Variants in SLC43A2 observed in about 807,000 individuals in gnomAD.
SLC43A2 encodes solute carrier family 43 member 2.
A neutral mutation model predicts 63.2 loss-of-function variants in SLC43A2; 38 were observed. The ratio of observed to expected loss-of-function variants is 0.60; its 90% CI spans 0.46 to 0.79. The LOEUF (loss-of-function observed/expected upper bound fraction) is 0.79, where lower values mean the gene tolerates loss of function less well. Ranked by LOEUF, SLC43A2 falls within the 30% of genes least tolerant of loss-of-function variation. SLC43A2 has a pLI of 0.00. For synonymous variants in SLC43A2, 322 were observed against 331.0 expected, an observed-to-expected ratio of 0.97 and a Z score of 0.30; for missense variants, 644 against 756.2, an observed-to-expected ratio of 0.85 and a Z score of 1.74.
At chr17:1,589,953 T>C (rs182621275) in intron 9 of SLC43A2, among the ~76,000 whole-genome samples, 1 of 152,340 alleles carries the variant, frequency 6.6e-6, no homozygotes, top group Non-Finnish European at 1.5e-5. Context: ...CTGGCTGTTA[T>C]CTGGTTCCCT....
intron 2 of SLC43A2, among the ~76,000 whole-genome samples, chr17:1,623,738 CT>C (rs1274967639): frequency 4.2e-5 from 6 of 141,650 alleles, no homozygotes; most frequent in South Asian, 4.8e-4. Context: ...CTGTACCCTC[CT>C]CTCCTCCAGG....
upstream of SLC43A2, among the ~76,000 whole-genome samples, chr17:1,629,975 C>T (rs1909022125): frequency 6.6e-6 from 1 of 152,184 alleles, no homozygotes; most frequent in Non-Finnish European, 1.5e-5. Flanking sequence ...GCGCGGTGTC[C>T]ACGTCTGGAA....
chr17:1,597,428 C>G (rs1192722365), intron 5 of SLC43A2, among the ~76,000 whole-genome samples: 4 of 143,948 alleles, frequency 2.8e-5, no homozygotes, highest in Non-Finnish European at 6.1e-5. Flanking sequence ...TTGCTTGAAC[C>G]CGGGTGGTGG....
chr17:1,593,230 A>G lies in SLC43A2; in HGVS notation c.551T>C (p.Ile184Thr). The change falls in exon 6 of 14, where the codon ATT becomes ACT. Residue 184 changes from isoleucine (I) to threonine (T), a missense_variant. Physicochemically the swap from Ile to Thr is moderately conservative, Grantham distance 89. Coordinates refer to ENST00000301335, the MANE Select transcript of SLC43A2 (RefSeq NM_152346.3). The surrounding 1 kb of genome is among the most constrained non-coding windows in gnomAD (Gnocchi z 5.3). The stretch of plus-strand genomic sequence containing the variant: ...GACTGCCGAGGAGGCGTAGGACCCA[A>G]TCATCAAGGCAATAAACGTGGACCG... ...DLRSTFIALM[I>T]GSYASSAVTF... 3 of 1,614,102 alleles carry G rather than the reference A, an allele frequency of 1.9e-6. No homozygotes were observed. The highest frequency in any genetic ancestry group is 2.5e-6 in the Non-Finnish European group (3 of 1,180,002).
At chr17:1,617,429 T>C (rs1158590432) in intron 2 of SLC43A2, among the ~76,000 whole-genome samples, 2 of 152,090 alleles carry the variant, frequency 1.3e-5, no homozygotes, top group African/African-American at 2.4e-5. Context: ...CTCACTCTGT[T>C]GCCCAGGCTG....
chr17:1,616,475 A>G (rs972129384), intron 3 of SLC43A2, 87 bp downstream of exon 3: 4 of 1,299,148 alleles, frequency 3.1e-6, no homozygotes, highest in African/African-American at 1.5e-5. Flanking sequence ...ACCTGATATC[A>G]GGTACGACCA....
chr17:1,618,878 A>G (rs920916555), intron 2 of SLC43A2, among the ~76,000 whole-genome samples: 4 of 152,034 alleles, frequency 2.6e-5, no homozygotes, highest in African/African-American at 9.7e-5. Context: ...CCAGCTACTC[A>G]GGAGGCTGAG....
rs191016698 is a variant in SLC43A2 at position 1,597,889 on chromosome 17, C to T, written c.502-4610G>A. Among the ~76,000 whole-genome samples the T allele has an allele frequency of 1.1e-3, 169 of 152,368 alleles. 1 individual carries two copies. The highest frequency in any genetic ancestry group is 0.01 in the Middle Eastern group (3 of 292). Reference sequence around the variant, plus strand: ...GAAATGTGATGTGCTCACACGTGCCCAGGCACGCCCAGGTGAGCAATCTTA... The same window carrying T: ...GAAATGTGATGTGCTCACACGTGCCTAGGCACGCCCAGGTGAGCAATCTTA... On this transcript the variant is annotated intron_variant, in intron 5 of 13. Coordinates refer to ENST00000301335, the MANE Select transcript of SLC43A2 (RefSeq NM_152346.3).
chr17:1,621,100 G>A (rs1482288004), intron 2 of SLC43A2, among the ~76,000 whole-genome samples: 1 of 152,162 alleles, frequency 6.6e-6, no homozygotes, highest in Non-Finnish European at 1.5e-5. Flanking sequence ...GAACAGGGCT[G>A]CTTAGGAGGA....
rs754361042 is a variant in SLC43A2, at chr17:1,575,768, G to T, written c.1549-3C>A. 2 of 1,607,626 alleles carry T rather than the reference G, an allele frequency of 1.2e-6. No individual in the cohort carries two copies. The highest frequency in any genetic ancestry group is 1.1e-5 in the South Asian group (1 of 90,646). On this transcript the variant is annotated splice_region_variant and splice_polypyrimidine_tract_variant and intron_variant, in intron 13 of 13. Transcript: ENST00000301335. The stretch of plus-strand genomic sequence containing the variant: ...AGAAGGAGCAGCCCCACGTTCACCT[G>T]GGGAGGCAGGGAGGCCGCGCATCAC...
intron 11 of SLC43A2, among the ~76,000 whole-genome samples, chr17:1,579,460 C>CA (rs796090950): frequency 0.028 from 2,821 of 101,132 alleles, 42 homozygotes; most frequent in South Asian, 0.12. Context: ...GACTCTGTCT[C>CA]AAAAAAAAAA....
At chr17:1,594,225 C>T (rs192818668) in intron 5 of SLC43A2, among the ~76,000 whole-genome samples, 4 of 152,288 alleles carry the variant, frequency 2.6e-5, no homozygotes, top group Middle Eastern at 3.4e-3. Flanking sequence ...AAGCAAGGTC[C>T]GGGCTCTCTT....
At position 1,617,180 on chromosome 17, in the gene SLC43A2, G is replaced by A. The variant is rs1166847238; in HGVS notation, c.161-411C>T. Among the ~76,000 whole-genome samples the A allele has an allele frequency of 3.3e-5, 5 of 152,220 alleles. No homozygotes were observed. In the East Asian group the frequency reaches 9.7e-4, roughly 30 times the overall value. The stretch of plus-strand genomic sequence containing the variant: ...TGGCTGTGGGGCCCCAGGCTGGTGA[G>A]AACCTTCTCACGGCAGCTATGTCCG... On this transcript the variant is annotated intron_variant, in intron 2 of 13. Coordinates refer to ENST00000301335, the MANE Select transcript of SLC43A2 (RefSeq NM_152346.3).
rs948630491 is a variant in SLC43A2 at position 1,571,606 on chromosome 17, C to G, written c.*3998G>C. 6.6e-6 allele frequency: 1 copy of G among 152,354 alleles called. No individual in the cohort carries two copies. Among genetic ancestry groups the G allele is most frequent in the African/African-American group, 2.4e-5 (1 of 41,458 alleles). 9.4% of individuals were successfully genotyped at this position (152,354 alleles called of 1,614,324 possible). On this transcript the variant is annotated 3_prime_UTR_variant, in exon 14 of 14. Transcript: ENST00000301335. This position sits in a 1 kb window ranked among gnomAD's most constrained non-coding sequence, Gnocchi z 5.2. The stretch of plus-strand genomic sequence containing the variant: ...GTCCCGCCATTTTCAGCCCTGGGGC[C>G]TATGGCAAAGTGACGCCCCCCTCGG...
At chr17:1,586,928 T>TGGGGCCCCCCCCCCCCC in intron 9 of SLC43A2, 4 of 1,232,908 alleles carry the variant, frequency 3.2e-6, no homozygotes, top group Non-Finnish European at 4.5e-6. Context: ...TCCCTGACAA[T>TGGGGCCCCCCCCCCCCC]CCCCCCCACC....
chr17:1,588,809 GGA>G (rs1309309788), intron 9 of SLC43A2, among the ~76,000 whole-genome samples: 1 of 152,186 alleles, frequency 6.6e-6, no homozygotes, highest in African/African-American at 2.4e-5. Flanking sequence ...TCAAACGCTG[GGA>G]GGCAGCAGAG....
At chr17:1,584,798 C>G (rs920931126) in intron 10 of SLC43A2, among the ~76,000 whole-genome samples, 2 of 147,554 alleles carry the variant, frequency 1.4e-5, no homozygotes, top group African/African-American at 5.0e-5. Flanking sequence ...CCAGCCTGGG[C>G]GACAGAGCGA....
intron 5 of SLC43A2, among the ~76,000 whole-genome samples, chr17:1,608,002 T>A (rs1208069205): frequency 6.6e-6 from 1 of 151,896 alleles, no homozygotes; most frequent in African/African-American, 2.4e-5. Flanking sequence ...AGGCGTGAGC[T>A]AGTGTGCCTG....
chr17:1,581,638 C>T (rs569851846), intron 11 of SLC43A2, among the ~76,000 whole-genome samples: 1 of 152,336 alleles, frequency 6.6e-6, no homozygotes, highest in South Asian at 2.1e-4. Context: ...AAAAGCCACA[C>T]TTGCGTCCCT....
Sources: allele counts gnomAD v4.1 joint callset (sites outside exome capture counted in the v4.1 genomes callset), GRCh38; gene constraint gnomAD v4.1.1; non-coding constraint Gnocchi (gnomAD v3.1); transcripts MANE v1.5; gene names NCBI Gene and HGNC (gene_info 2026-07-23, HGNC 2026-07-21).